Variants in RHOBTB1 observed in about 807,000 individuals in gnomAD.
RHOBTB1 encodes the protein rho-related BTB domain-containing protein 1.
In RHOBTB1, 40 loss-of-function variants were observed where a neutral mutation model predicts 71.6. The observed-to-expected ratio is 0.56, with a 90% confidence interval of 0.43 to 0.73. The LOEUF (loss-of-function observed/expected upper bound fraction) is 0.73. Among genes scored for constraint, RHOBTB1 ranks in the 30% least tolerant of loss-of-function variants. RHOBTB1 has a pLI of 0.00. For synonymous variants in RHOBTB1, 319 were observed against 334.9 expected (o/e 0.95, Z 0.52); for missense variants, 797 against 894.0 (o/e 0.89, Z 1.38).
At chr10:60,902,018 G>A (rs1244127566) in intron 4 of RHOBTB1, among the ~76,000 whole-genome samples, 2 of 152,180 alleles carry the variant, frequency 1.3e-5, no homozygotes, top group East Asian at 3.9e-4. Flanking sequence ...AAGCCCTGTT[G>A]CTATCTCATT....
At chr10:60,932,678 T>A (rs375083594) in intron 2 of RHOBTB1, among the ~76,000 whole-genome samples, 1 of 152,138 alleles carries the variant, frequency 6.6e-6, no homozygotes, top group Admixed American at 6.5e-5. Flanking sequence ...GCAAAGATGT[T>A]CATGATACAT....
chr10:60,920,943 TG>T (rs1564971401), intron 2 of RHOBTB1, among the ~76,000 whole-genome samples: 2 of 135,872 alleles, frequency 1.5e-5, no homozygotes, highest in African/African-American at 5.5e-5. Flanking sequence ...AGGACTGATT[TG>T]TTTTTTTTTT....
At chr10:60,930,061 C>G (rs765324320) in intron 2 of RHOBTB1, among the ~76,000 whole-genome samples, 9 of 151,840 alleles carry the variant, frequency 5.9e-5, no homozygotes, top group Non-Finnish European at 1.2e-4. Flanking sequence ...ATAATATGAA[C>G]AAAAAAATCT....
intron 2 of RHOBTB1, among the ~76,000 whole-genome samples, chr10:60,940,382 A>G (rs1297078434): frequency 6.6e-6 from 1 of 152,192 alleles, no homozygotes; most frequent in Non-Finnish European, 1.5e-5. Context: ...GGGGAACAGA[A>G]GAGAGAGAAG....
downstream of RHOBTB1, among the ~76,000 whole-genome samples, chr10:60,868,361 GAAAGGGCGGAC>G (rs1564710685): frequency 1.3e-5 from 2 of 151,884 alleles, no homozygotes; most frequent in African/African-American, 4.8e-5. Context: ...CCAATTCATG[GAAAGGGCGGAC>G]AAATCTTCAG....
chr10:60,991,917 C>T (rs902340234), intron 1 of RHOBTB1, among the ~76,000 whole-genome samples: 1 of 152,096 alleles, frequency 6.6e-6, no homozygotes, highest in Non-Finnish European at 1.5e-5. Context: ...GTGTGTCATT[C>T]TTTTATTGTC....
intron 2 of RHOBTB1, among the ~76,000 whole-genome samples, chr10:60,970,934 T>C (rs2086133121): frequency 6.6e-6 from 1 of 152,060 alleles, no homozygotes; most frequent in Non-Finnish European, 1.5e-5. Context: ...TGTCCCAGAA[T>C]ATATGCATAA....
chr10:60,886,081 GAC>G (rs771580402), intron 7 of RHOBTB1, 29 bp downstream of exon 7: 1 of 1,487,872 alleles, frequency 6.7e-7, no homozygotes, highest in Non-Finnish European at 9.4e-7. Context: ...CATTCATAAA[GAC>G]ACCACTATGC....
chr10:60,927,502 T>C (rs4376852), intron 2 of RHOBTB1, among the ~76,000 whole-genome samples: 1 of 151,824 alleles, frequency 6.6e-6, no homozygotes, highest in Non-Finnish European at 1.5e-5. Context: ...CATGGGACAG[T>C]CATAAAAACA....
chr10:60,927,605 C>G (rs1212464078), intron 2 of RHOBTB1, among the ~76,000 whole-genome samples: 1 of 152,172 alleles, frequency 6.6e-6, no homozygotes, highest in Non-Finnish European at 1.5e-5. Flanking sequence ...TGAGAACATA[C>G]ACTGGGGAAA....
In RHOBTB1 at chr10:60,911,519, T is replaced by G. The variant is rs1479991467; in HGVS notation, c.24A>C (p.Glu8Asp). Reference sequence around the variant, plus strand: ...ATTTGATAGTTTCAACGTTGGGTCTTTCGTAGTCCATGTCAGCGTCCATTT... The same window carrying G: ...ATTTGATAGTTTCAACGTTGGGTCTGTCGTAGTCCATGTCAGCGTCCATTT... MDADMDY[E>D]RPNVETIKCV... The change falls in exon 3 of 11, where the codon GAA (glutamate) becomes GAC (aspartate). Residue 8 changes from glutamate to aspartate, a missense_variant. Glu to Asp is a conservative substitution (Grantham distance 45, BLOSUM62 2). Around this residue, in one of 2 missense-constraint regions of RHOBTB1, gnomAD observed 139 missense variants for 212.5 expected, o/e 0.65. Coordinates refer to ENST00000337910, the MANE Select transcript of RHOBTB1 (RefSeq NM_014836.5). 4 of 1,614,144 alleles carry G rather than the reference T, an allele frequency of 2.5e-6. No homozygotes were observed. Among genetic ancestry groups the G allele is most frequent in the Admixed American group, 3.3e-5 (2 of 60,032 alleles).
chr10:60,919,167 T>C (rs899130050), intron 2 of RHOBTB1, among the ~76,000 whole-genome samples: 1 of 152,222 alleles, frequency 6.6e-6, no homozygotes, highest in Non-Finnish European at 1.5e-5. Flanking sequence ...GTCTGAATGA[T>C]GCTATTGCAC....
chr10:60,943,597 C>A (rs1278516874), intron 1 of RHOBTB1, among the ~76,000 whole-genome samples: 1 of 152,228 alleles, frequency 6.6e-6, no homozygotes, highest in African/African-American at 2.4e-5. Flanking sequence ...CCGGTCCCCG[C>A]CCGGCCTCCC....
chr10:60,983,483 A>G lies in RHOBTB1; in HGVS notation c.-62+2362T>C, dbSNP rs1315230727. Among the ~76,000 whole-genome samples, 3 of 152,352 alleles carry G rather than the reference A, an allele frequency of 2.0e-5. No homozygotes were observed. The East Asian group carries it at 5.8e-4, about 29-fold the overall frequency. On this transcript the variant is annotated intron_variant, in intron 2 of 11. Coordinates refer to the RHOBTB1 transcript ENST00000357917. ...ATATTGTTCTATGTAAAAGAATAAA[A>G]TAAGTGTCATGCTTATCCTGATTTT... is the stretch of plus-strand genomic sequence containing the variant.
chr10:60,973,202 TC>T (rs2086217706), intron 2 of RHOBTB1, among the ~76,000 whole-genome samples: 1 of 152,030 alleles, frequency 6.6e-6, no homozygotes, highest in South Asian at 2.1e-4. Flanking sequence ...GCGTCTTTCC[TC>T]TATCAAAAGG....
intron 1 of RHOBTB1, among the ~76,000 whole-genome samples, chr10:60,987,482 G>C (rs10994591): frequency 6.6e-6 from 1 of 152,074 alleles, no homozygotes; most frequent in Non-Finnish European, 1.5e-5. Flanking sequence ...CCAATGATTA[G>C]ATTATGGCCA....
At chr10:60,863,090 G>T in the RHOBTB1 span, among the ~76,000 whole-genome samples, 1 of 152,122 alleles carries the variant, frequency 6.6e-6, no homozygotes, top group South Asian at 2.1e-4. Flanking sequence ...TGATGATGGG[G>T]GTGGTGGAGA....
At chr10:60,954,671 G>A (rs2085525112) in intron 2 of RHOBTB1, among the ~76,000 whole-genome samples, 1 of 151,956 alleles carries the variant, frequency 6.6e-6, no homozygotes, top group African/African-American at 2.4e-5. Context: ...TTGAAAAAAT[G>A]GATGAGAAAG....
chr10:60,921,699 C>T (rs182211426), intron 2 of RHOBTB1, among the ~76,000 whole-genome samples: 1 of 152,328 alleles, frequency 6.6e-6, no homozygotes, highest in African/African-American at 2.4e-5. Context: ...CTTAGAAAAC[C>T]TTCCACCTGG....
Sources: gnomAD v4.1 joint callset for allele counts (sites outside exome capture counted in the v4.1 genomes callset) on GRCh38, gnomAD v4.1.1 for gene constraint, gnomAD v4.1.1 regional missense constraint, MANE v1.5 for transcripts, NCBI Gene and HGNC (gene_info 2026-07-23, HGNC 2026-07-21) for gene names.